Variants in ST6GALNAC6 observed in about 807,000 individuals in gnomAD.
ST6GALNAC6 encodes ST6 N-acetylgalactosaminide alpha-2,6-sialyltransferase 6, also known as alpha-N-acetylgalactosaminide alpha-2,6-sialyltransferase 6.
Under a neutral mutation model 34.3 loss-of-function variants are expected in ST6GALNAC6, and 19 were observed. The observed-to-expected ratio is 0.55, with a 90% CI of 0.39 to 0.81. The LOEUF is 0.81. Ranked by LOEUF, ST6GALNAC6 falls within the 40% of genes least tolerant of loss-of-function variation. The pLI is 0.00. For missense variants in ST6GALNAC6, 377 were observed against 467.7 expected (o/e 0.81, Z 1.79); for synonymous variants, 185 against 182.1 (o/e 1.02, Z -0.13).
upstream of ST6GALNAC6, among the ~76,000 whole-genome samples, chr9:127,902,420 A>G (rs938108063): frequency 8.5e-5 from 13 of 152,188 alleles, no homozygotes; most frequent in Middle Eastern, 3.4e-3. Context: ...TCAGCCTTCC[A>G]AAGTGCTGGG....
At position 127,886,348 on chromosome 9, in the gene ST6GALNAC6, T is replaced by G. The variant is rs1490871024; in HGVS notation, c.*251A>C. 8.9e-7 allele frequency: 1 copy of G among 1,125,990 alleles called. No homozygotes were observed. The highest frequency in any genetic ancestry group is 2.7e-5 in the East Asian group (1 of 37,624). 69.7% of individuals were successfully genotyped at this position (1,125,990 alleles called of 1,614,324 possible). ...TGACTCAGAAATACCCCCTCTACCCTGATTGACTGTGCGCAGACCCTGACT... is the reference window on the plus strand; with the variant it reads ...TGACTCAGAAATACCCCCTCTACCCGGATTGACTGTGCGCAGACCCTGACT... On this transcript the variant is annotated 3_prime_UTR_variant, in exon 7 of 7. Coordinates refer to ENST00000373146, the MANE Select transcript of ST6GALNAC6 (RefSeq NM_013443.5).
chr9:127,895,661 CT>C (rs1830409103), intron 3 of ST6GALNAC6, among the ~76,000 whole-genome samples: 1 of 152,206 alleles, frequency 6.6e-6, no homozygotes, highest in Non-Finnish European at 1.5e-5. Context: ...TTGCATTAAA[CT>C]TTTCCGTTTA....
rs759166249 is a variant in ST6GALNAC6, at chr9:127,896,326, T to A, written c.33A>T (p.Glu11Asp). MACSRPPSQC[E>D]PTSLPPGPPA... ...GTGGCCCTGGGGGCAGGGATGTGGG[T>A]TCACACCTGCAAGCCACCAGAAAGG... The change falls in exon 3 of 7, where the codon GAA becomes GAT. Residue 11 changes from glutamate (E) to aspartate (D), a missense_variant. Physicochemically the swap from Glu to Asp is conservative, Grantham distance 45. Coordinates refer to ENST00000373146, the MANE Select transcript of ST6GALNAC6 (RefSeq NM_013443.5). 1 of 1,611,290 alleles carries A rather than the reference T, an allele frequency of 6.2e-7. No individual in the cohort carries two copies. The highest frequency in any genetic ancestry group is 1.1e-5 in the South Asian group (1 of 90,772).
chr9:127,899,683 C>T, upstream of ST6GALNAC6: 1 of 983,786 alleles, frequency 1.0e-6, no homozygotes, highest in Non-Finnish European at 1.2e-6. Context: ...AGCCTCGGGG[C>T]CGCGGGTGGC....
At chr9:127,894,147 C>T (rs375348598) in intron 4 of ST6GALNAC6, among the ~76,000 whole-genome samples, 17 of 152,166 alleles carry the variant, frequency 1.1e-4, no homozygotes, top group African/African-American at 3.4e-4. Flanking sequence ...GGCACACACA[C>T]GCACTTGATA....
intron 6 of ST6GALNAC6, among the ~76,000 whole-genome samples, chr9:127,887,074 T>C (rs78957582): frequency 0.017 from 2,552 of 151,110 alleles, 78 homozygotes; most frequent in African/African-American, 0.057. Flanking sequence ...CTTCCTACTG[T>C]TTGGAGGACC....
At chr9:127,898,930 G>A (rs1830629417) in intron 1 of ST6GALNAC6, among the ~76,000 whole-genome samples, 1 of 152,198 alleles carries the variant, frequency 6.6e-6, no homozygotes, top group Non-Finnish European at 1.5e-5. Flanking sequence ...CGCTGGGCCA[G>A]GAGCATGGAC....
Position 127,897,937 on chromosome 9 carries a change from TC to T in ST6GALNAC6, c.26+18del. On this transcript the variant is annotated intron_variant, in intron 2 of 6. Coordinates refer to ENST00000373146, the MANE Select transcript of ST6GALNAC6 (RefSeq NM_013443.5). ...ACAGCATGTCAGCTGCCAGTGCGAA[TC>T]CCGGTTTCACCACTTACTGGCTGGG... The T allele has an allele frequency of 6.2e-7, 1 of 1,613,410 alleles. No homozygotes were observed.
Position 127,886,979 on chromosome 9 carries a change from A to T in ST6GALNAC6, c.813-191T>A, listed in dbSNP as rs574530669. Among the ~76,000 whole-genome samples, 57 of 81,414 alleles carry T rather than the reference A, an allele frequency of 7.0e-4. 1 individual carries two copies. Among genetic ancestry groups the T allele is most frequent in the Middle Eastern group, 7.8e-3 (1 of 128 alleles). The allele number at this position is 81,414 out of a possible 152,430, so 53.4% of individuals were successfully genotyped here. Reference sequence around the variant, plus strand: ...AACCACCAATTTTTTTTTTTTTTTTAAATGCAGTGGCACTTTTTCCTTTCC... The same window carrying T: ...AACCACCAATTTTTTTTTTTTTTTTTAATGCAGTGGCACTTTTTCCTTTCC... On this transcript the variant is annotated intron_variant, in intron 6 of 6. Coordinates refer to ENST00000373146, the MANE Select transcript of ST6GALNAC6 (RefSeq NM_013443.5).
At chr9:127,901,005 A>C (rs1252944149), upstream of ST6GALNAC6, among the ~76,000 whole-genome samples, 2 of 150,864 alleles carry the variant, frequency 1.3e-5, no homozygotes, top group African/African-American at 4.9e-5. Context: ...AAAAAAAAAA[A>C]AAAAAAAAAA....
chr9:127,886,203 G>T lies in ST6GALNAC6; in HGVS notation c.*396C>A. 3.1e-6 allele frequency: 1 copy of T among 323,586 alleles called. No homozygotes were observed. 20.0% of individuals were successfully genotyped at this position (323,586 alleles called of 1,614,324 possible). A position where few individuals can be genotyped will look rare whatever the true frequency, so the allele number is the denominator to read the frequency against. ...CTGGAAATTGAGGGGGCAACACCAA[G>T]TTCCCAGCTCCTTGGGACAGGACCC... On this transcript the variant is annotated 3_prime_UTR_variant, in exon 7 of 7. Coordinates refer to ENST00000373146, the MANE Select transcript of ST6GALNAC6 (RefSeq NM_013443.5).
chr9:127,887,767 G>A (rs1178020641), intron 5 of ST6GALNAC6, among the ~76,000 whole-genome samples, 176 bp from the exon 6 acceptor site: 1 of 152,200 alleles, frequency 6.6e-6, no homozygotes, highest in Non-Finnish European at 1.5e-5. Context: ...ATGTGGCAGA[G>A]GGCTGTCCAG....
At chr9:127,888,721 G>T (rs149224523) in intron 5 of ST6GALNAC6, among the ~76,000 whole-genome samples, 1 of 151,964 alleles carries the variant, frequency 6.6e-6, no homozygotes, top group Non-Finnish European at 1.5e-5. Context: ...CAGGAGAATC[G>T]CTTGAACTTG....
At position 127,886,426 on chromosome 9, in the gene ST6GALNAC6, G is replaced by C. The variant is rs563429691; in HGVS notation, c.*173C>G. On this transcript the variant is annotated 3_prime_UTR_variant, in exon 7 of 7. Transcript: ENST00000373146. ...GCATAGACTCCCAAATCCCTGATTCGCCAACAGATTCCCCAGGCCCTGATT... is the reference window on the plus strand; with the variant it reads ...GCATAGACTCCCAAATCCCTGATTCCCCAACAGATTCCCCAGGCCCTGATT... 7.0e-6 allele frequency: 10 copies of C among 1,438,066 alleles called. No individual in the cohort carries two copies. The highest frequency in any genetic ancestry group is 2.9e-5 in the African/African-American group (2 of 69,620). The allele number at this position is 1,438,066 out of a possible 1,614,324, so 89.1% of individuals were successfully genotyped here. A position where few individuals can be genotyped will look rare whatever the true frequency, so the allele number is the denominator to read the frequency against.
At chr9:127,902,623 G>A (rs1215467208), upstream of ST6GALNAC6, among the ~76,000 whole-genome samples, 2 of 147,680 alleles carry the variant, frequency 1.4e-5, no homozygotes, top group Non-Finnish European at 3.0e-5. Flanking sequence ...GACTTTCACT[G>A]TGTTGCCCAG....
At chr9:127,900,239 G>A (rs1362512595), upstream of ST6GALNAC6, among the ~76,000 whole-genome samples, 1 of 152,190 alleles carries the variant, frequency 6.6e-6, no homozygotes. Context: ...ACAGCCTGCC[G>A]AAGTGCACGA....
At chr9:127,892,957 A>G (rs1471634503) in intron 4 of ST6GALNAC6, among the ~76,000 whole-genome samples, 1 of 152,132 alleles carries the variant, frequency 6.6e-6, no homozygotes, top group Non-Finnish European at 1.5e-5. Flanking sequence ...TGGGGGAGGC[A>G]GATTTGAGAA....
At chr9:127,906,088 C>T (rs1010110898), upstream of ST6GALNAC6, 1 of 949,020 alleles carries the variant, frequency 1.1e-6, no homozygotes, top group Non-Finnish European at 1.3e-6. Context: ...AAGCCGGGCA[C>T]AAAAGCGGTG....
intron 3 of ST6GALNAC6, among the ~76,000 whole-genome samples, chr9:127,895,274 G>A (rs1000945446): frequency 2.6e-5 from 4 of 152,200 alleles, no homozygotes; most frequent in Non-Finnish European, 5.9e-5. Flanking sequence ...TCTTGGTTCT[G>A]GTAGGCTTGC....
Sources: gnomAD v4.1 joint callset for allele counts (sites outside exome capture counted in the v4.1 genomes callset) on GRCh38, gnomAD v4.1.1 for gene constraint, MANE v1.5 for transcripts, NCBI Gene and HGNC (gene_info 2026-07-23, HGNC 2026-07-21) for gene names.